Variants in ADGRB3 observed in about 807,000 individuals in gnomAD.
ADGRB3 encodes adhesion G protein-coupled receptor B3.
ADGRB3 carries 37 observed loss-of-function variants against 193.4 expected under a neutral mutation model. The observed-to-expected ratio is 0.19, with a 90% CI of 0.15 to 0.25. ADGRB3 has a LOEUF of 0.25. Among genes scored for constraint, ADGRB3 ranks in the 10% least tolerant of loss-of-function variants. The probability of loss-of-function intolerance (pLI) is 1.00; values close to 1 mark genes in which losing one functional copy is unlikely to be tolerated. For synonymous variants in ADGRB3, 690 were observed against 644.2 expected, an observed-to-expected ratio of 1.07 and a Z score of -1.08; for missense variants, 1,637 against 1,852.9, an observed-to-expected ratio of 0.88 and a Z score of 2.14.
intron 15 of ADGRB3, 136 bp downstream of exon 15, chr6:69,049,482 T>A: frequency 1.6e-6 from 1 of 607,496 alleles, no homozygotes; most frequent in Non-Finnish European, 2.7e-6. Flanking sequence ...AAAATACAAA[T>A]TTAATGAACA....
chr6:69,193,179 A>G (rs1765230500), intron 17 of ADGRB3, among the ~76,000 whole-genome samples: 1 of 151,920 alleles, frequency 6.6e-6, no homozygotes, highest in Admixed American at 6.6e-5. Flanking sequence ...TTCCTCTCTT[A>G]CAGTAAATTT....
At chr6:69,332,665 A>G in intron 23 of ADGRB3, 1 of 985,436 alleles carries the variant, frequency 1.0e-6, no homozygotes, top group Non-Finnish European at 1.2e-6. Flanking sequence ...AATTCAGGCA[A>G]TTGAAGGTTA....
chr6:68,927,296 T>G (rs1389798137), intron 3 of ADGRB3, among the ~76,000 whole-genome samples: 1 of 152,154 alleles, frequency 6.6e-6, no homozygotes, highest in East Asian at 1.9e-4. Flanking sequence ...ATATATTATC[T>G]TTGCCAACTA....
chr6:68,850,658 T>C (rs1768379073), intron 3 of ADGRB3, among the ~76,000 whole-genome samples: 1 of 152,064 alleles, frequency 6.6e-6, no homozygotes, highest in African/African-American at 2.4e-5. Flanking sequence ...CCTACGTTTG[T>C]TGAGTCTCTA....
intron 11 of ADGRB3, among the ~76,000 whole-genome samples, chr6:69,013,338 A>G (rs1334057258): frequency 1.3e-5 from 2 of 152,134 alleles, no homozygotes; most frequent in Non-Finnish European, 2.9e-5. Flanking sequence ...CTAGGCGAAG[A>G]TAAAGCCAAT....
At chr6:69,127,323 T>C (rs944708733) in intron 17 of ADGRB3, among the ~76,000 whole-genome samples, 4 of 152,240 alleles carry the variant, frequency 2.6e-5, no homozygotes, top group African/African-American at 9.6e-5. Context: ...AACCAAATTA[T>C]GTCTTCGTAT....
chr6:69,137,078 A>ATTTTTTTTTTTTG (rs1193270145), intron 17 of ADGRB3, among the ~76,000 whole-genome samples: 1 of 121,446 alleles, frequency 8.2e-6, no homozygotes, highest in African/African-American at 3.1e-5. Context: ...TTTTTTTTTA[A>ATTTTTTTTTTTTG]TGGTAAGATC....
intron 8 of ADGRB3, among the ~76,000 whole-genome samples, chr6:68,965,765 A>G (rs1367272519): frequency 6.6e-6 from 1 of 152,160 alleles, no homozygotes; most frequent in African/African-American, 2.4e-5. Flanking sequence ...GCTGATGAAC[A>G]AAGTTACTAT....
At chr6:68,816,693 C>T (rs9354801) in intron 3 of ADGRB3, among the ~76,000 whole-genome samples, 1,762 of 151,958 alleles carry the variant, frequency 0.012, 71 homozygotes, top group East Asian at 0.078. Context: ...CTTCTCTTTA[C>T]TTTGCCTTAA....
At chr6:68,960,021 A>G (rs1768188118) in intron 8 of ADGRB3, among the ~76,000 whole-genome samples, 1 of 152,126 alleles carries the variant, frequency 6.6e-6, no homozygotes, top group Admixed American at 6.6e-5. Context: ...CCCCTGGTTA[A>G]TAATATTCAG....
chr6:69,065,762 TATACACACACAC>T (rs1771883700), intron 16 of ADGRB3, among the ~76,000 whole-genome samples: 1 of 124,690 alleles, frequency 8.0e-6, no homozygotes, highest in African/African-American at 2.8e-5. Flanking sequence ...CATGTATATA[TATACACACACAC>T]ACACACACAC....
intron 3 of ADGRB3, among the ~76,000 whole-genome samples, chr6:68,889,955 A>C (rs897504058): frequency 6.6e-6 from 1 of 152,214 alleles, no homozygotes; most frequent in African/African-American, 2.4e-5. Flanking sequence ...GTATATAAAA[A>C]GTAGTGAGTA....
In ADGRB3 at chr6:68,956,685, TTCCAAG is replaced by T; in HGVS notation, c.1405_1410del (p.Lys469_Ser470del). 1 of 1,613,960 alleles carries T rather than the reference TTCCAAG, an allele frequency of 6.2e-7. No homozygotes were observed. Among genetic ancestry groups the T allele is most frequent in the South Asian group, 1.1e-5 (1 of 91,076 alleles). Reference sequence around the variant, plus strand: ...ATCAGTGGGGTCATTGGAGTGGTTGTTCCAAGTCCTGTGATGGCGGCTGGGAAAGGC... The same window carrying T: ...ATCAGTGGGGTCATTGGAGTGGTTGTTCCTGTGATGGCGGCTGGGAAAGGC... On this transcript the variant is annotated inframe_deletion, in exon 8 of 32. Transcript: ENST00000370598.
In ADGRB3 at chr6:68,843,051, C is replaced by CA. The variant is rs55855427; in HGVS notation, c.758-87497dup. ...ACACAATAAAAGCCATATACAACAA[C>CA]AAAAAAAAAAACAGGAAATGTCGTA... On this transcript the variant is annotated intron_variant, in intron 3 of 31. Transcript: ENST00000370598. Among the ~76,000 whole-genome samples the CA allele has an allele frequency of 3.6e-3, 468 of 129,938 alleles. 3 individuals carry two copies. The highest frequency in any genetic ancestry group is 0.01 in the African/African-American group (377 of 36,010). The allele number at this position is 129,938 out of a possible 152,430, so 85.2% of individuals were successfully genotyped here. A position where few individuals can be genotyped will look rare whatever the true frequency, so the allele number is the denominator to read the frequency against.
intron 17 of ADGRB3, among the ~76,000 whole-genome samples, chr6:69,210,166 A>ATATATATATATATATATATATATATATG (rs1765631784): frequency 2.3e-5 from 3 of 130,054 alleles, no homozygotes; most frequent in Non-Finnish European, 3.2e-5. Flanking sequence ...ATATATATAT[A>ATATATATATATATATATATATATATATG]TATAAAGGGG....
At chr6:69,193,649 A>G (rs1161341450) in intron 17 of ADGRB3, among the ~76,000 whole-genome samples, 6 of 152,152 alleles carry the variant, frequency 3.9e-5, no homozygotes, top group Non-Finnish European at 8.8e-5. Flanking sequence ...GTTAGAAATT[A>G]GAACACCTGG....
chr6:68,851,762 T>A (rs1402145245), intron 3 of ADGRB3, among the ~76,000 whole-genome samples: 1 of 151,902 alleles, frequency 6.6e-6, no homozygotes, highest in African/African-American at 2.4e-5. Context: ...GTTTATCATA[T>A]TGTATCGGGA....
chr6:68,879,794 G>A (rs954572198), intron 3 of ADGRB3, among the ~76,000 whole-genome samples: 3 of 152,090 alleles, frequency 2.0e-5, no homozygotes, highest in Non-Finnish European at 4.4e-5. Context: ...AACCAAGGAG[G>A]GCAGAGTTAC....
At chr6:69,237,662 G>T (rs1766298335) in intron 19 of ADGRB3, among the ~76,000 whole-genome samples, 1 of 151,874 alleles carries the variant, frequency 6.6e-6, no homozygotes, top group South Asian at 2.1e-4. Context: ...TCATATTTTT[G>T]TCTATTTACA....
Sources: allele counts gnomAD v4.1 joint callset (sites outside exome capture counted in the v4.1 genomes callset), GRCh38; gene constraint gnomAD v4.1.1; transcripts MANE v1.5; gene names NCBI Gene and HGNC (gene_info 2026-07-23, HGNC 2026-07-21).